Variants in FANCD2OS observed in about 807,000 individuals in gnomAD.
FANCD2OS encodes FANCD2 opposite strand protein.
In FANCD2OS, 11 loss-of-function variants were observed where a neutral mutation model predicts 13.2. The ratio of observed to expected loss-of-function variants is 0.83; its 90% confidence interval spans 0.52 to 1.38. FANCD2OS has a LOEUF of 1.38. Among genes scored for constraint, FANCD2OS ranks in the 40% most tolerant of loss-of-function variants. FANCD2OS has a pLI of 0.00. For synonymous variants in FANCD2OS, 69 were observed against 84.5 expected, an observed-to-expected ratio of 0.82 and a Z score of 1.01; for missense variants, 217 against 213.9, an observed-to-expected ratio of 1.01 and a Z score of -0.09.
intron 1 of FANCD2OS, among the ~76,000 whole-genome samples, chr3:10,105,607 G>A (rs1269533004): frequency 2.7e-5 from 4 of 150,814 alleles, no homozygotes; most frequent in East Asian, 2.0e-4. Flanking sequence ...AAAATTAGCC[G>A]GGCGTGGTGG....
chr3:10,105,772 T>TTATATATA lies in FANCD2OS; in HGVS notation c.-8-998_-8-991dup, dbSNP rs574690780. On this transcript the variant is annotated intron_variant, in intron 1 of 1. Coordinates refer to ENST00000450660, the MANE Select transcript of FANCD2OS (RefSeq NM_001164839.2). ...TCTAAAAAAAAAAAAAAAAAAAAAA[T>TTATATATA]TATATATATATATATATATATATAT... Among the ~76,000 whole-genome samples the TTATATATA allele has an allele frequency of 2.8e-3, 64 of 22,590 alleles. 1 individual carries two copies. Among genetic ancestry groups the TTATATATA allele is most frequent in the Non-Finnish European group, 3.7e-3 (48 of 12,978 alleles). 14.8% of individuals were successfully genotyped at this position (22,590 alleles called of 152,430 possible).
chr3:10,106,778 G>A (rs993897021), intron 1 of FANCD2OS, among the ~76,000 whole-genome samples: 2 of 152,318 alleles, frequency 1.3e-5, no homozygotes, highest in African/African-American at 4.8e-5. Context: ...GCCAGGCGTG[G>A]TGGTGGGTGC....
intron 1 of FANCD2OS, among the ~76,000 whole-genome samples, chr3:10,107,521 C>T (rs1208767030): frequency 6.6e-6 from 1 of 151,878 alleles, no homozygotes; most frequent in East Asian, 2.0e-4. Context: ...CTCCTGACCT[C>T]GTGATCCGCC....
chr3:10,102,736 G>A (rs957650937), downstream of FANCD2OS, among the ~76,000 whole-genome samples: 3 of 151,296 alleles, frequency 2.0e-5, no homozygotes, highest in Non-Finnish European at 4.4e-5. Context: ...CCAGCTACTC[G>A]GGAGGCTGAG....
intron 2 of FANCD2OS, chr3:10,085,791 C>G (rs2125069206): frequency 6.5e-7 from 1 of 1,530,968 alleles, no homozygotes; most frequent in East Asian, 2.2e-5. Context: ...AAGCTAACCC[C>G]TCTTACCTTG....
downstream of FANCD2OS, chr3:10,103,094 TAAA>T (rs111889470): frequency 2.7e-3 from 1,085 of 404,604 alleles, no homozygotes; most frequent in South Asian, 4.9e-3. Flanking sequence ...CCATCTCTAC[TAAA>T]AAAAAAAAAA....
chr3:10,083,321 G>A (rs773944694), intron 2 of FANCD2OS, among the ~76,000 whole-genome samples: 1 of 152,094 alleles, frequency 6.6e-6, no homozygotes, highest in Admixed American at 6.6e-5. Flanking sequence ...ATAAATACAT[G>A]AAAGGATGTT....
At chr3:10,104,932 ATTATT>A (rs113292025) in intron 1 of FANCD2OS, 150 bp from the exon 2 acceptor site, 73,366 of 473,084 alleles carry the variant, frequency 0.16, 7,045 homozygotes, top group African/African-American at 0.25. Context: ...GATATTAGTA[ATTATT>A]TTATTTTATT....
Position 10,091,907 on chromosome 3 carries a change from A to C in FANCD2OS, c.*44-10376T>G, listed in dbSNP as rs35247345. Among the ~76,000 whole-genome samples the C allele has an allele frequency of 7.4e-4, 112 of 152,346 alleles. 1 individual carries two copies. In the South Asian group the frequency reaches 0.018, roughly 25 times the overall value. On this transcript the variant is annotated intron_variant, in intron 2 of 2. Coordinates refer to the FANCD2OS transcript ENST00000524279. ...CAGGAGTTCGAGACTAGCCTGGCCAACATGGTCAGTATATGTTGCAAAGGC... is the reference window on the plus strand; with the variant it reads ...CAGGAGTTCGAGACTAGCCTGGCCACCATGGTCAGTATATGTTGCAAAGGC...
At position 10,096,250 on chromosome 3, in the gene FANCD2OS, T is replaced by C. The variant is rs936312598; in HGVS notation, c.*43+7948A>G. ...GCAGGGCTTGTGTTCTTATTCAACA[T>C]TCAAAGGTTTCTATAAGAAATGTGA... On this transcript the variant is annotated intron_variant, in intron 2 of 2. Transcript: ENST00000524279. 6.1e-6 allele frequency: 9 copies of C among 1,485,032 alleles called. No homozygotes were observed. In the African/African-American group the frequency reaches 9.7e-5, roughly 16 times the overall value. 92.0% of individuals were successfully genotyped at this position (1,485,032 alleles called of 1,614,324 possible).
intron 2 of FANCD2OS, among the ~76,000 whole-genome samples, chr3:10,097,322 A>G (rs1373817140): frequency 6.6e-6 from 1 of 152,210 alleles, no homozygotes; most frequent in Non-Finnish European, 1.5e-5. Context: ...TCCTCTTCCT[A>G]ATAAGCCTGG....
At chr3:10,098,153 G>T (rs915112933), downstream of FANCD2OS, among the ~76,000 whole-genome samples, 2 of 152,126 alleles carry the variant, frequency 1.3e-5, no homozygotes, top group Non-Finnish European at 2.9e-5. Flanking sequence ...GCACCACAGA[G>T]AATTAGCTTC....
At chr3:10,081,697 A>G (rs1164333002) in intron 2 of FANCD2OS, among the ~76,000 whole-genome samples, 3 of 152,130 alleles carry the variant, frequency 2.0e-5, no homozygotes, top group Non-Finnish European at 4.4e-5. Flanking sequence ...CTTGCTGATG[A>G]GCTGATAACA....
intron 2 of FANCD2OS, chr3:10,088,656 T>C (rs1233489580): frequency 9.3e-7 from 1 of 1,079,952 alleles, no homozygotes; most frequent in African/African-American, 1.6e-5. Context: ...AACAATGAAG[T>C]AGGTTAAAAA....
intron 1 of FANCD2OS, among the ~76,000 whole-genome samples, chr3:10,105,772 T>TTATA (rs574690780): frequency 0.011 from 246 of 22,502 alleles, 5 homozygotes; most frequent in Non-Finnish European, 0.013. Context: ...AAAAAAAAAA[T>TTATA]TATATATATA....
chr3:10,082,645 C>G (rs1693914614), intron 2 of FANCD2OS, among the ~76,000 whole-genome samples: 1 of 152,100 alleles, frequency 6.6e-6, no homozygotes, highest in Admixed American at 6.5e-5. Flanking sequence ...GCCAGGACCC[C>G]CACTCTTCTT....
chr3:10,102,099 T>C (rs1316290230), downstream of FANCD2OS, among the ~76,000 whole-genome samples: 1 of 152,062 alleles, frequency 6.6e-6, no homozygotes, highest in Non-Finnish European at 1.5e-5. Flanking sequence ...AGATGAGATA[T>C]ATCTGATCTT....
chr3:10,104,393 T>G lies in FANCD2OS; in HGVS notation c.382A>C (p.Lys128Gln). The G allele has an allele frequency of 6.2e-7, 1 of 1,614,220 alleles. No individual in the cohort carries two copies. The highest frequency in any genetic ancestry group is 8.5e-7 in the Non-Finnish European group (1 of 1,180,048). Residue 128 changes from lysine to glutamine, a missense_variant, in exon 2 of 2, where the codon AAA becomes CAA. Coordinates refer to ENST00000450660, the MANE Select transcript of FANCD2OS (RefSeq NM_001164839.2). ...FRVSDKSAFCKIISREHQWPI... is the reference protein window; with the variant it reads ...FRVSDKSAFCQIISREHQWPI... ...CACTGGTGCTCCCTGCTAATGATTT[T>G]GCAAAAGGCTGACTTGTCTGAAACT... is the stretch of plus-strand genomic sequence containing the variant.
chr3:10,102,697 G>C (rs1220961283), downstream of FANCD2OS, among the ~76,000 whole-genome samples: 1 of 151,720 alleles, frequency 6.6e-6, no homozygotes, highest in Non-Finnish European at 1.5e-5. Context: ...CAAAAAATTA[G>C]CTGGGCTTGG....
Sources: gnomAD v4.1 joint callset for allele counts (sites outside exome capture counted in the v4.1 genomes callset) on GRCh38, gnomAD v4.1.1 for gene constraint, MANE v1.5 for transcripts, NCBI Gene and HGNC (gene_info 2026-07-23, HGNC 2026-07-21) for gene names.